The following TBC1D5 variants were observed in gnomAD, a reference collection of about 807,000 sequenced individuals.
TBC1D5 encodes the protein TBC1 domain family, member 5.
In TBC1D5, 75 loss-of-function variants were observed where a neutral mutation model predicts 100.3. The ratio of observed to expected loss-of-function variants is 0.75; its 90% CI spans 0.62 to 0.91. The LOEUF (loss-of-function observed/expected upper bound fraction) is 0.91. Among genes scored for constraint, TBC1D5 ranks in the 40% least tolerant of loss-of-function variants. The pLI is 0.00. For missense variants in TBC1D5, 910 were observed against 942.4 expected (o/e 0.97, Z 0.45); for synonymous variants, 323 against 325.6 (o/e 0.99, Z 0.09).
chr3:17,271,067 C>T (rs1163032838), intron 15 of TBC1D5, among the ~76,000 whole-genome samples: 1 of 152,038 alleles, frequency 6.6e-6, no homozygotes, highest in Non-Finnish European at 1.5e-5. Flanking sequence ...CAGCTTTGTC[C>T]CTTTTGCTTA....
intron 3 of TBC1D5, among the ~76,000 whole-genome samples, chr3:17,443,798 T>C (rs1322274784): frequency 6.6e-6 from 1 of 152,074 alleles, no homozygotes; most frequent in African/African-American, 2.4e-5. Context: ...GGCTCTGTAA[T>C]GAAATGGATA....
In TBC1D5 at chr3:17,712,305, T is replaced by C. The variant is rs538579854; in HGVS notation, c.-101+27038A>G. Among the ~76,000 whole-genome samples, 4 of 152,288 alleles carry C rather than the reference T, an allele frequency of 2.6e-5. 1 individual carries two copies. In the South Asian group the frequency reaches 8.3e-4, roughly 32 times the overall value. On this transcript the variant is annotated intron_variant, in intron 1 of 21. Coordinates refer to ENST00000253692, the Ensembl canonical transcript of TBC1D5. ...CCCACAGAACTGATGAACAAGAATT[T>C]TACCATAGATCTTTACAAGAGTCTG...
intron 1 of TBC1D5, among the ~76,000 whole-genome samples, chr3:17,720,913 C>T (rs371888161): frequency 3.4e-4 from 51 of 151,434 alleles, no homozygotes; most frequent in African/African-American, 8.7e-4. Context: ...AATCTTGGTT[C>T]ATTGTAACCT....
chr3:17,644,460 C>T (rs2064826813), intron 1 of TBC1D5, among the ~76,000 whole-genome samples: 1 of 152,118 alleles, frequency 6.6e-6, no homozygotes, highest in African/African-American at 2.4e-5. Context: ...TAATATCATT[C>T]TTCAAACTAA....
At chr3:17,512,813 T>A (rs1278416716) in intron 2 of TBC1D5, among the ~76,000 whole-genome samples, 1 of 152,192 alleles carries the variant, frequency 6.6e-6, no homozygotes, top group Non-Finnish European at 1.5e-5. Context: ...AGTTCACAAA[T>A]ATGCTAAAAT....
intron 2 of TBC1D5, among the ~76,000 whole-genome samples, chr3:17,545,063 TAATA>T (rs948254389): frequency 1.8e-4 from 27 of 152,200 alleles, no homozygotes; most frequent in East Asian, 1.7e-3. Flanking sequence ...TTTTTAAAAA[TAATA>T]AATAAATAAA....
chr3:17,365,746 T>C (rs1210653145), intron 13 of TBC1D5, among the ~76,000 whole-genome samples: 2 of 152,172 alleles, frequency 1.3e-5, no homozygotes, highest in Non-Finnish European at 2.9e-5. Context: ...CCTGGGTCTT[T>C]GATATCTGGT....
chr3:17,652,920 A>G (rs930979716), intron 1 of TBC1D5, among the ~76,000 whole-genome samples: 2 of 152,212 alleles, frequency 1.3e-5, no homozygotes, highest in Non-Finnish European at 2.9e-5. Flanking sequence ...CTGTCCATCA[A>G]GGGATGAATG....
At chr3:17,282,225 G>A (rs543337721) in intron 15 of TBC1D5, among the ~76,000 whole-genome samples, 14 of 152,276 alleles carry the variant, frequency 9.2e-5, no homozygotes, top group African/African-American at 3.4e-4. Context: ...GTAAAGGAGG[G>A]CAGCCACTTG....
At chr3:17,614,615 T>G (rs1434303427) in intron 2 of TBC1D5, among the ~76,000 whole-genome samples, 5 of 152,208 alleles carry the variant, frequency 3.3e-5, no homozygotes, top group Non-Finnish European at 5.9e-5. Context: ...CCCTTGTAAG[T>G]TGGATTCCTA....
At chr3:17,585,561 G>A (rs1267552590) in intron 2 of TBC1D5, among the ~76,000 whole-genome samples, 2 of 152,122 alleles carry the variant, frequency 1.3e-5, no homozygotes, top group Non-Finnish European at 1.5e-5. Flanking sequence ...ATTGAATGGG[G>A]AAAGAAATGA....
intron 2 of TBC1D5, among the ~76,000 whole-genome samples, chr3:17,596,632 C>T (rs2060589808): frequency 6.7e-6 from 1 of 149,132 alleles, no homozygotes; most frequent in African/African-American, 2.5e-5. Flanking sequence ...ATGGCTTGAA[C>T]CCAGGAGGCG....
chr3:17,539,416 G>A (rs1393367378), intron 2 of TBC1D5, among the ~76,000 whole-genome samples: 1 of 152,212 alleles, frequency 6.6e-6, no homozygotes. Flanking sequence ...TCTACAGAAT[G>A]TAGATTTTGC....
At chr3:17,445,775 C>T (rs2094776915) in intron 3 of TBC1D5, among the ~76,000 whole-genome samples, 1 of 152,174 alleles carries the variant, frequency 6.6e-6, no homozygotes, top group African/African-American at 2.4e-5. Flanking sequence ...TAGCAAAAAA[C>T]ACAGTATATA....
chr3:17,734,784 A>G (rs529237462), intron 1 of TBC1D5, among the ~76,000 whole-genome samples: 6 of 152,342 alleles, frequency 3.9e-5, no homozygotes, highest in African/African-American at 1.2e-4. Flanking sequence ...CATGTATAAC[A>G]CAACTGTTAA....
intron 15 of TBC1D5, among the ~76,000 whole-genome samples, chr3:17,266,924 T>TA (rs1245236044): frequency 4.0e-5 from 6 of 150,846 alleles, no homozygotes; most frequent in East Asian, 1.9e-4. Context: ...AGAAAAAGTT[T>TA]AAAAAAAAAG....
chr3:17,651,510 A>G (rs1393094157), intron 1 of TBC1D5, among the ~76,000 whole-genome samples: 1 of 152,176 alleles, frequency 6.6e-6, no homozygotes, highest in African/African-American at 2.4e-5. Context: ...CATATTCAAG[A>G]CCAGTCTGGC....
At chr3:17,591,245 AAAAAAAAAAAAAAAAAAAAAAC>A (rs1163090857) in intron 2 of TBC1D5, among the ~76,000 whole-genome samples, 68 of 119,234 alleles carry the variant, frequency 5.7e-4, no homozygotes, top group East Asian at 3.1e-3. Context: ...AAAAAAAAAA[AAAAAAAAAAAAAAAAAAAAAAC>A]AAAAACCCCA....
At chr3:17,293,391 G>T (rs62245885) in intron 14 of TBC1D5, among the ~76,000 whole-genome samples, 4,221 of 152,220 alleles carry the variant, frequency 0.028, 87 homozygotes, top group Middle Eastern at 0.085. Context: ...AATTGACCAA[G>T]AAAGAATTCT....
Sources: allele counts gnomAD v4.1 joint callset (sites outside exome capture counted in the v4.1 genomes callset), GRCh38; gene constraint gnomAD v4.1.1; transcripts MANE v1.5; gene names NCBI Gene and HGNC (gene_info 2026-07-23, HGNC 2026-07-21).